Variants in PIK3C2G observed in about 807,000 individuals in gnomAD.
PIK3C2G encodes the protein phosphatidylinositol 3-kinase C2 domain-containing subunit gamma.
Under a neutral mutation model 181.1 loss-of-function variants are expected in PIK3C2G, and 168 were observed. The ratio of observed to expected loss-of-function variants is 0.93; its 90% CI spans 0.82 to 1.05. The LOEUF (loss-of-function observed/expected upper bound fraction) is 1.05. PIK3C2G is among the 50% of genes least tolerant of loss of function. PIK3C2G has a pLI of 0.00. For synonymous variants in PIK3C2G, 573 were observed against 592.2 expected, an observed-to-expected ratio of 0.97 and a Z score of 0.47; for missense variants, 1,869 against 1,732.8, an observed-to-expected ratio of 1.08 and a Z score of -1.40.
chr12:18,681,037 G>T, the PIK3C2G span, among the ~76,000 whole-genome samples: 4 of 152,056 alleles, frequency 2.6e-5, no homozygotes, highest in African/African-American at 9.7e-5. Context: ...CGTGCATTCA[G>T]TCATGATTCC....
the PIK3C2G span, among the ~76,000 whole-genome samples, chr12:18,704,342 T>C: frequency 2.0e-5 from 3 of 151,894 alleles, no homozygotes; most frequent in Admixed American, 2.0e-4. Context: ...TTTTTTTCAA[T>C]ATGAAGGAGT....
At chr12:18,537,236 T>G (rs1175727046) in intron 24 of PIK3C2G, among the ~76,000 whole-genome samples, 2 of 152,114 alleles carry the variant, frequency 1.3e-5, no homozygotes, top group East Asian at 3.9e-4. Context: ...GTTTTATTAT[T>G]TAAAACAAAA....
intron 10 of PIK3C2G, among the ~76,000 whole-genome samples, chr12:18,345,238 A>G (rs1226596815): frequency 1.8e-5 from 2 of 108,644 alleles, no homozygotes; most frequent in African/African-American, 9.9e-5. Flanking sequence ...TTGGCCTCCA[A>G]GTTTGATGAG....
rs1481078965 is a variant in PIK3C2G, at chr12:18,548,904, CT to C, written c.3590+2473del. ...CAAGATTTATCCAACTACCCGCCCC[CT>C]GTCTCCATTATTCCACATGAATCCT... On this transcript the variant is annotated intron_variant, in intron 26 of 32. Coordinates refer to ENST00000538779, the MANE Select transcript of PIK3C2G (RefSeq NM_001288772.2). Among the ~76,000 whole-genome samples the C allele has an allele frequency of 2.6e-5, 4 of 152,046 alleles. 1 individual carries two copies. Among genetic ancestry groups the C allele is most frequent in the Admixed American group, 6.6e-5 (1 of 15,242 alleles).
chr12:18,426,852 AAAGCAG>A (rs1252307309), intron 18 of PIK3C2G, among the ~76,000 whole-genome samples: 1 of 152,224 alleles, frequency 6.6e-6, no homozygotes, highest in Non-Finnish European at 1.5e-5. Context: ...CCTAATTTAA[AAAGCAG>A]AACAATTCCT....
At chr12:18,632,635 GT>G (rs1949398272) in intron 31 of PIK3C2G, among the ~76,000 whole-genome samples, 2 of 152,228 alleles carry the variant, frequency 1.3e-5, no homozygotes, top group Non-Finnish European at 2.9e-5. Flanking sequence ...AACTAAACTG[GT>G]GGTGTAGATC....
At chr12:18,691,028 T>A in the PIK3C2G span, among the ~76,000 whole-genome samples, 1 of 152,168 alleles carries the variant, frequency 6.6e-6, no homozygotes, top group Non-Finnish European at 1.5e-5. Flanking sequence ...ACAGGCTACC[T>A]GAAACCATCA....
intron 11 of PIK3C2G, among the ~76,000 whole-genome samples, chr12:18,361,731 CTG>C (rs1941253351): frequency 6.6e-6 from 1 of 152,160 alleles, no homozygotes; most frequent in African/African-American, 2.4e-5. Context: ...TCTGGAATTT[CTG>C]TGAGGTGATC....
At chr12:18,708,293 C>A in the PIK3C2G span, among the ~76,000 whole-genome samples, 1 of 152,094 alleles carries the variant, frequency 6.6e-6, no homozygotes, top group Admixed American at 6.6e-5. Context: ...CTGTGTCTGG[C>A]TTATTTCACT....
intron 29 of PIK3C2G, among the ~76,000 whole-genome samples, chr12:18,580,879 T>C (rs1474545210): frequency 2.6e-5 from 4 of 152,228 alleles, no homozygotes; most frequent in Admixed American, 2.0e-4. Context: ...GCTTATTGTT[T>C]TAACTCACTA....
At chr12:18,633,068 G>A (rs1270810720) in intron 31 of PIK3C2G, among the ~76,000 whole-genome samples, 1 of 152,116 alleles carries the variant, frequency 6.6e-6, no homozygotes, top group East Asian at 1.9e-4. Context: ...TCATAATTCT[G>A]CCAAACATGA....
the PIK3C2G span, among the ~76,000 whole-genome samples, chr12:18,724,800 T>C: frequency 3.4e-4 from 52 of 152,082 alleles, no homozygotes; most frequent in African/African-American, 1.2e-3. Context: ...TCAATAAAAA[T>C]TTAAAATGTG....
At chr12:18,327,902 A>T (rs1245095799) in intron 8 of PIK3C2G, among the ~76,000 whole-genome samples, 1 of 152,002 alleles carries the variant, frequency 6.6e-6, no homozygotes, top group Non-Finnish European at 1.5e-5. Context: ...CATAAATAAT[A>T]TACACAATGG....
At chr12:18,265,102 G>A (rs960414695) in intron 1 of PIK3C2G, among the ~76,000 whole-genome samples, 3 of 152,124 alleles carry the variant, frequency 2.0e-5, no homozygotes, top group South Asian at 2.1e-4. Flanking sequence ...GTGTATACAT[G>A]TGCGTGGCTA....
chr12:18,423,070 T>C (rs1293703071), intron 17 of PIK3C2G, among the ~76,000 whole-genome samples: 1 of 151,922 alleles, frequency 6.6e-6, no homozygotes, highest in Non-Finnish European at 1.5e-5. Context: ...CTGGATATTG[T>C]ACTCATTTTT....
In PIK3C2G at chr12:18,505,331, G is replaced by A. The variant is rs957037052; in HGVS notation, c.3193G>A (p.Val1065Met). 6.2e-7 allele frequency: 1 copy of A among 1,612,320 alleles called. No individual in the cohort carries two copies. Among genetic ancestry groups the A allele is most frequent in the Non-Finnish European group, 8.5e-7 (1 of 1,179,006 alleles). ...TTTCTACTCCTGTGCTGGCTGGTGT[G>A]TGGTAACATTCATCCTGGGAGTATG... Reference protein sequence around the residue: ...NFFYSCAGWCVVTFILGVCDR... With the variant: ...NFFYSCAGWCMVTFILGVCDR... The change falls in exon 24 of 33, where the codon GTG becomes ATG. Residue 1065 changes from valine to methionine, a missense_variant. By Grantham distance (21) the Val-to-Met change is conservative. Transcript: ENST00000538779.
chr12:18,422,192 T>G (rs1215487854), intron 17 of PIK3C2G, among the ~76,000 whole-genome samples: 1 of 152,088 alleles, frequency 6.6e-6, no homozygotes, highest in African/African-American at 2.4e-5. Flanking sequence ...TATAAGACAG[T>G]GTGCACACAA....
At chr12:18,276,203 G>T (rs923275907) in intron 1 of PIK3C2G, among the ~76,000 whole-genome samples, 1 of 152,130 alleles carries the variant, frequency 6.6e-6, no homozygotes, top group African/African-American at 2.4e-5. Context: ...CCCAGCAAGT[G>T]TCATATTTCA....
chr12:18,676,944 GT>G, the PIK3C2G span, among the ~76,000 whole-genome samples: 15 of 152,008 alleles, frequency 9.9e-5, no homozygotes, highest in Non-Finnish European at 1.5e-4. Context: ...AAGCAAAACT[GT>G]TTTTCTTATT....
Sources: gnomAD v4.1 joint callset for allele counts (sites outside exome capture counted in the v4.1 genomes callset) on GRCh38, gnomAD v4.1.1 for gene constraint, MANE v1.5 for transcripts, NCBI Gene and HGNC (gene_info 2026-07-23, HGNC 2026-07-21) for gene names.